Variants in HFM1 observed in about 807,000 individuals in gnomAD.
HFM1 encodes the protein helicase for meiosis 1.
Under a neutral mutation model 192.1 loss-of-function variants are expected in HFM1, and 169 were observed. The ratio of observed to expected loss-of-function variants is 0.88; its 90% CI spans 0.78 to 1.00. The LOEUF is 1.00. Ranked by LOEUF, HFM1 falls within the 50% of genes least tolerant of loss-of-function variation. HFM1 has a pLI of 0.00. For synonymous variants in HFM1, 525 were observed against 537.8 expected (o/e 0.98, Z 0.33); for missense variants, 1,661 against 1,668.0 (o/e 1.00, Z 0.07).
chr1:91,375,249 G>T, intron 13 of HFM1, 109 bp downstream of exon 13: 2 of 673,040 alleles, frequency 3.0e-6, no homozygotes, highest in Non-Finnish European at 5.2e-6. Context: ...TTTTATAGAT[G>T]AGGACACTGA....
intron 1 of HFM1, among the ~76,000 whole-genome samples, chr1:91,403,196 TC>T (rs1664486730): frequency 1.3e-5 from 2 of 152,184 alleles, no homozygotes; most frequent in South Asian, 4.1e-4. Context: ...GACTTTTTGC[TC>T]ATTAATGTGT....
At position 91,322,949 on chromosome 1, in the gene HFM1, C is replaced by G; in HGVS notation, c.2582+1G>C. 7.6e-7 allele frequency: 1 copy of G among 1,311,654 alleles called. No individual in the cohort carries two copies. Among genetic ancestry groups the G allele is most frequent in the Non-Finnish European group, 1.0e-6 (1 of 974,476 alleles). 81.3% of individuals were successfully genotyped at this position (1,311,654 alleles called of 1,614,324 possible). On this transcript the variant is annotated splice_donor_variant, in intron 23 of 38. Transcript: ENST00000370425. LOFTEE classifies it high-confidence loss of function. ...CTTTCATAAGTATGAATCATCTTTA[C>G]CAATTTACTTTCATTTCTCTTGTTT...
chr1:91,372,891 T>C (rs1660423985), intron 13 of HFM1, among the ~76,000 whole-genome samples: 1 of 152,152 alleles, frequency 6.6e-6, no homozygotes, highest in Non-Finnish European at 1.5e-5. Context: ...GTGAGCTCTT[T>C]GTTGGTTTTT....
At chr1:91,378,871 T>C (rs535089502) in intron 9 of HFM1, among the ~76,000 whole-genome samples, 192 bp downstream of exon 9, 6 of 152,228 alleles carry the variant, frequency 3.9e-5, no homozygotes, top group African/African-American at 1.4e-4. Flanking sequence ...TCCAATTTGG[T>C]CATTTGTCTT....
At chr1:91,338,590 A>G (rs555060583) in intron 20 of HFM1, among the ~76,000 whole-genome samples, 1 of 152,156 alleles carries the variant, frequency 6.6e-6, no homozygotes, top group East Asian at 1.9e-4. Flanking sequence ...TGCTTTGCCA[A>G]CACACACCTG....
At chr1:91,371,268 G>A (rs1660151751) in intron 13 of HFM1, among the ~76,000 whole-genome samples, 1 of 150,392 alleles carries the variant, frequency 6.6e-6, no homozygotes, top group Non-Finnish European at 1.5e-5. Flanking sequence ...AACCGAAAAA[G>A]AGCCCGCATT....
intron 30 of HFM1, among the ~76,000 whole-genome samples, chr1:91,292,211 G>A (rs1668848757): frequency 6.6e-6 from 1 of 150,470 alleles, no homozygotes; most frequent in South Asian, 2.1e-4. Context: ...GGGCAATTAG[G>A]CAGGAGAAGG....
At chr1:91,341,347 T>C (rs1655302116) in intron 20 of HFM1, among the ~76,000 whole-genome samples, 1 of 152,064 alleles carries the variant, frequency 6.6e-6, no homozygotes, top group South Asian at 2.1e-4. Context: ...CTGAAAATAA[T>C]GAACTTAAGG....
chr1:91,305,699 C>T (rs1421859046), intron 30 of HFM1, among the ~76,000 whole-genome samples: 1 of 151,888 alleles, frequency 6.6e-6, no homozygotes, highest in Non-Finnish European at 1.5e-5. Context: ...TCCAGAGGAG[C>T]TGGGTCTACA....
At chr1:91,310,042 C>T (rs1650207470) in intron 30 of HFM1, among the ~76,000 whole-genome samples, 1 of 151,632 alleles carries the variant, frequency 6.6e-6, no homozygotes, top group East Asian at 1.9e-4. Flanking sequence ...AAGAAGCTGT[C>T]AAATCTACTA....
intron 11 of HFM1, chr1:91,377,794 T>C (rs1661074624): frequency 4.0e-6 from 2 of 505,044 alleles, no homozygotes; most frequent in South Asian, 5.3e-5. Flanking sequence ...GACTGTTAGA[T>C]ACTAGCAAAC....
chr1:91,367,765 G>A (rs1467908298), intron 13 of HFM1, among the ~76,000 whole-genome samples: 1 of 152,226 alleles, frequency 6.6e-6, no homozygotes, highest in East Asian at 1.9e-4. Flanking sequence ...AATGACTGAC[G>A]AGTTGAGAGA....
At chr1:91,356,241 G>A (rs1219986836) in intron 13 of HFM1, among the ~76,000 whole-genome samples, 1 of 151,614 alleles carries the variant, frequency 6.6e-6, no homozygotes, top group Non-Finnish European at 1.5e-5. Context: ...GGTTCTAAGA[G>A]GAATTTTTTT....
chr1:91,334,291 T>A (rs1570988569), intron 20 of HFM1, among the ~76,000 whole-genome samples: 2 of 152,242 alleles, frequency 1.3e-5, no homozygotes, highest in South Asian at 4.1e-4. Flanking sequence ...ATAATAAAAC[T>A]ACCCACACCT....
upstream of HFM1, among the ~76,000 whole-genome samples, chr1:91,405,652 C>T (rs1315050657): frequency 6.6e-6 from 1 of 152,156 alleles, no homozygotes; most frequent in Non-Finnish European, 1.5e-5. Context: ...CTCATAAGCT[C>T]TAACTCCTAG....
At chr1:91,346,104 T>C (rs1384723996) in intron 19 of HFM1, among the ~76,000 whole-genome samples, 2 of 142,218 alleles carry the variant, frequency 1.4e-5, no homozygotes, top group African/African-American at 5.5e-5. Context: ...TTGCAATGAA[T>C]GAGGAAAAGA....
At chr1:91,382,682 C>T (rs1427210048) in intron 6 of HFM1, among the ~76,000 whole-genome samples, 1 of 152,180 alleles carries the variant, frequency 6.6e-6, no homozygotes, top group Non-Finnish European at 1.5e-5. Context: ...AACAAGCCCA[C>T]GAGTGGGCCA....
intron 13 of HFM1, among the ~76,000 whole-genome samples, chr1:91,363,619 C>T (rs1161049455): frequency 3.9e-5 from 6 of 151,992 alleles, no homozygotes; most frequent in Admixed American, 2.0e-4. Context: ...TTGTGGAAGA[C>T]GTTGTGGCAA....
chr1:91,314,296 T>C (rs1050314016), intron 28 of HFM1, among the ~76,000 whole-genome samples: 1 of 152,204 alleles, frequency 6.6e-6, no homozygotes, highest in African/African-American at 2.4e-5. Flanking sequence ...CTCTGTTGCC[T>C]GGGCTGGAGT....
Sources: gnomAD v4.1 joint callset for allele counts (sites outside exome capture counted in the v4.1 genomes callset) on GRCh38, gnomAD v4.1.1 for gene constraint, MANE v1.5 for transcripts, NCBI Gene and HGNC (gene_info 2026-07-23, HGNC 2026-07-21) for gene names.